NALCN: variants seen among roughly 807,000 people sequenced by gnomAD.
NALCN encodes the protein sodium leak channel NALCN.
In NALCN, 111 loss-of-function variants were observed where a neutral mutation model predicts 225.3. That is an observed-to-expected ratio of 0.49 (90% CI 0.42 to 0.58). The LOEUF (loss-of-function observed/expected upper bound fraction) is 0.58, where lower values mean the gene tolerates loss of function less well. Ranked by LOEUF, NALCN falls within the 20% of genes least tolerant of loss-of-function variation. The probability of loss-of-function intolerance (pLI) is 0.00; values close to 1 mark genes in which losing one functional copy is unlikely to be tolerated. For synonymous variants in NALCN, 764 were observed against 769.0 expected (o/e 0.99, Z 0.11); for missense variants, 1,378 against 2,202.4 (o/e 0.63, Z 7.49).
At chr13:101,135,484 C>T (rs1372399706) in intron 17 of NALCN, among the ~76,000 whole-genome samples, 2 of 152,180 alleles carry the variant, frequency 1.3e-5, no homozygotes, top group African/African-American at 4.8e-5. Flanking sequence ...CTGCAACCTC[C>T]GCCCCCTGGG....
chr13:101,278,631 G>A (rs1234580303), intron 10 of NALCN, among the ~76,000 whole-genome samples: 2 of 150,314 alleles, frequency 1.3e-5, no homozygotes, highest in Non-Finnish European at 2.9e-5. Context: ...ATGCTTACAA[G>A]ATGAAAAGAG....
Position 101,213,216 on chromosome 13 carries a change from A to C in NALCN, c.1626+16177T>G, listed in dbSNP as rs1247578871. 2.0e-5 allele frequency among the ~76,000 whole-genome samples: 3 copies of C among 152,130 alleles called. No homozygotes were observed. The East Asian group carries it at 5.8e-4, about 29-fold the overall frequency. On this transcript the variant is annotated intron_variant, in intron 13 of 43. Coordinates refer to ENST00000251127, the MANE Select transcript of NALCN (RefSeq NM_052867.4). ...TGGGGAAAGGATTCCCTATTTAATAAATGGTGCTGGGAAAACTGGCTAGCC... is the reference window on the plus strand; with the variant it reads ...TGGGGAAAGGATTCCCTATTTAATACATGGTGCTGGGAAAACTGGCTAGCC...
At chr13:101,357,582 T>A (rs1313967039) in intron 6 of NALCN, among the ~76,000 whole-genome samples, 2 of 152,106 alleles carry the variant, frequency 1.3e-5, no homozygotes, top group African/African-American at 4.8e-5. Context: ...ATAGGAAGAA[T>A]CAATATCATG....
At chr13:101,165,932 C>T (rs2038416815) in intron 15 of NALCN, among the ~76,000 whole-genome samples, 1 of 152,240 alleles carries the variant, frequency 6.6e-6, no homozygotes, top group South Asian at 2.1e-4. Flanking sequence ...TGGCAACTCT[C>T]ATTCTGTCTT....
intron 6 of NALCN, among the ~76,000 whole-genome samples, chr13:101,357,146 T>G (rs1219902170): frequency 2.0e-5 from 3 of 152,140 alleles, no homozygotes; most frequent in Admixed American, 2.0e-4. Flanking sequence ...ATGCCCTCTC[T>G]CACCACTCCT....
At position 101,240,815 on chromosome 13, in the gene NALCN, T is replaced by C. The variant is rs1265824071; in HGVS notation, c.1267-2893A>G. Among the ~76,000 whole-genome samples, 4 of 152,288 alleles carry C rather than the reference T, an allele frequency of 2.6e-5. No individual in the cohort carries two copies. The East Asian group carries it at 7.7e-4, about 29-fold the overall frequency. On this transcript the variant is annotated intron_variant, in intron 11 of 43. Coordinates refer to ENST00000251127, the MANE Select transcript of NALCN (RefSeq NM_052867.4). ...TTTAATTCACTGAGGCAATGAAATA[T>C]AACACAAAAGCTCCTGATGTTAACC...
At chr13:101,207,683 C>G (rs2040364456) in intron 13 of NALCN, among the ~76,000 whole-genome samples, 1 of 152,092 alleles carries the variant, frequency 6.6e-6, no homozygotes, top group African/African-American at 2.4e-5. Flanking sequence ...GTAAACACAC[C>G]AATCAGCACT....
intron 15 of NALCN, among the ~76,000 whole-genome samples, chr13:101,161,187 T>C (rs2038166462): frequency 6.6e-6 from 1 of 152,232 alleles, no homozygotes; most frequent in Non-Finnish European, 1.5e-5. Context: ...AGCACCTGAA[T>C]AAATAATTGA....
At chr13:101,158,678 A>G (rs1421853445) in intron 15 of NALCN, among the ~76,000 whole-genome samples, 1 of 152,196 alleles carries the variant, frequency 6.6e-6, no homozygotes, top group Non-Finnish European at 1.5e-5. Flanking sequence ...GCTTGCTGTA[A>G]TCTAGTGGCT....
chr13:101,333,408 C>T (rs1021855604), intron 7 of NALCN, among the ~76,000 whole-genome samples: 13 of 151,998 alleles, frequency 8.6e-5, no homozygotes, highest in African/African-American at 2.9e-4. Flanking sequence ...TCCAGAATCC[C>T]AAGTCCTAAG....
chr13:101,076,382 C>A lies in NALCN; in HGVS notation c.3886-441G>T, dbSNP rs1025791856. Among the ~76,000 whole-genome samples the A allele has an allele frequency of 7.9e-5, 12 of 152,300 alleles. No homozygotes were observed. The East Asian group carries it at 1.7e-3, about 22-fold the overall frequency. ...ACTGAAGAACAAACATACACTCATT[C>A]CTCTAAGCTGATTTCAGAGAGGTCC... On this transcript the variant is annotated intron_variant, in intron 34 of 43. Transcript: ENST00000251127.
chr13:101,271,902 C>T (rs577583402), intron 10 of NALCN, among the ~76,000 whole-genome samples: 10 of 133,118 alleles, frequency 7.5e-5, no homozygotes, highest in East Asian at 7.3e-4. Flanking sequence ...TATGTGTGTG[C>T]GTGTGATTGT....
At chr13:101,060,796 G>A (rs1316335386) in intron 41 of NALCN, among the ~76,000 whole-genome samples, 1 of 152,074 alleles carries the variant, frequency 6.6e-6, no homozygotes, top group Non-Finnish European at 1.5e-5. Context: ...AATCTGTCTC[G>A]GCATATACTA....
At chr13:101,239,208 C>T (rs186241852) in intron 11 of NALCN, among the ~76,000 whole-genome samples, 2 of 151,962 alleles carry the variant, frequency 1.3e-5, no homozygotes, top group African/African-American at 2.4e-5. Flanking sequence ...CATGTTTTTA[C>T]ATGAGATGTA....
At chr13:101,189,667 T>G (rs1216730245) in intron 14 of NALCN, among the ~76,000 whole-genome samples, 1 of 152,234 alleles carries the variant, frequency 6.6e-6, no homozygotes, top group Non-Finnish European at 1.5e-5. Context: ...ACACCACATT[T>G]ACCAAACTGT....
intron 7 of NALCN, among the ~76,000 whole-genome samples, chr13:101,340,959 A>G (rs1016204754): frequency 6.6e-6 from 1 of 151,836 alleles, no homozygotes. Flanking sequence ...TTCTGAGTTT[A>G]TCATGCATTC....
chr13:101,322,732 A>G (rs1296958841), intron 7 of NALCN, among the ~76,000 whole-genome samples: 1 of 151,930 alleles, frequency 6.6e-6, no homozygotes, highest in African/African-American at 2.4e-5. Context: ...TATTTTTTTG[A>G]GACAGAGTCT....
intron 9 of NALCN, 120 bp from the exon 10 acceptor site, chr13:101,284,139 T>C: frequency 1.3e-6 from 1 of 749,692 alleles, no homozygotes; most frequent in Non-Finnish European, 2.1e-6. Flanking sequence ...GGATTTATAT[T>C]TGGAATGAAG....
rs1454518186 is a variant in NALCN at position 101,117,133 on chromosome 13, T to C, written c.2193-5907A>G. On this transcript the variant is annotated intron_variant, in intron 18 of 43. Transcript: ENST00000251127. ...TGCCAGTTAGTTCTTCCCAATCTTGTGTTATTCATAAAAATGTTTTCATAG... is the reference window on the plus strand; with the variant it reads ...TGCCAGTTAGTTCTTCCCAATCTTGCGTTATTCATAAAAATGTTTTCATAG... The C allele has an allele frequency of 2.9e-5, 10 of 347,468 alleles. No individual in the cohort carries two copies. In the East Asian group the frequency reaches 7.0e-4, roughly 24 times the overall value. The allele number at this position is 347,468 out of a possible 1,614,324, so 21.5% of individuals were successfully genotyped here. A position where few individuals can be genotyped will look rare whatever the true frequency, so the allele number is the denominator to read the frequency against.
Sources: gnomAD v4.1 joint callset for allele counts (sites outside exome capture counted in the v4.1 genomes callset) on GRCh38, gnomAD v4.1.1 for gene constraint, MANE v1.5 for transcripts, NCBI Gene and HGNC (gene_info 2026-07-23, HGNC 2026-07-21) for gene names.